PCCA: variants seen among roughly 807,000 people sequenced by gnomAD.
The protein encoded by PCCA is propionyl-CoA carboxylase alpha chain, mitochondrial.
PCCA carries 74 observed loss-of-function variants against 101.3 expected under a neutral mutation model. That is an observed-to-expected ratio of 0.73 (90% CI 0.61 to 0.89). The LOEUF (loss-of-function observed/expected upper bound fraction) is 0.89, where lower values mean the gene tolerates loss of function less well. Among genes scored for constraint, PCCA ranks in the 40% least tolerant of loss-of-function variants. PCCA has a pLI of 0.00. For synonymous variants in PCCA, 294 were observed against 313.6 expected, an observed-to-expected ratio of 0.94 and a Z score of 0.66; for missense variants, 891 against 907.0, an observed-to-expected ratio of 0.98 and a Z score of 0.23.
chr13:100,489,535 C>G (rs528877846), intron 21 of PCCA, among the ~76,000 whole-genome samples: 3 of 152,324 alleles, frequency 2.0e-5, no homozygotes, highest in Admixed American at 2.0e-4. Flanking sequence ...TACACTCCAG[C>G]ATGAATACAT....
rs35218503 is a variant in PCCA at position 100,354,074 on chromosome 13, AAATAATAATAAT to A, written c.1643+13851_1643+13862del. Among the ~76,000 whole-genome samples, 417 of 129,142 alleles carry A rather than the reference AAATAATAATAAT, an allele frequency of 3.2e-3. 1 individual carries two copies. The highest frequency in any genetic ancestry group is 0.011 in the Middle Eastern group (3 of 266). The allele number at this position is 129,142 out of a possible 152,430, so 84.7% of individuals were successfully genotyped here. A position where few individuals can be genotyped will look rare whatever the true frequency, so the allele number is the denominator to read the frequency against. On this transcript the variant is annotated intron_variant, in intron 18 of 23. Coordinates refer to ENST00000376285, the MANE Select transcript of PCCA (RefSeq NM_000282.4). ...TAGAAGTTTGAGACCCCATCTCTAC[AAATAATAATAAT>A]AATAATAATAATAATAATAATAATA...
intron 4 of PCCA, among the ~76,000 whole-genome samples, chr13:100,146,352 G>A (rs929192713): frequency 1.3e-5 from 2 of 151,812 alleles, no homozygotes; most frequent in Admixed American, 6.6e-5. Context: ...CGAGGCAGAC[G>A]GATCACGGGG....
At chr13:100,454,171 G>T (rs1326130277) in intron 21 of PCCA, among the ~76,000 whole-genome samples, 1 of 150,580 alleles carries the variant, frequency 6.6e-6, no homozygotes, top group Admixed American at 6.6e-5. Flanking sequence ...ACCGCACCTG[G>T]CCAAAAAAAA....
intron 7 of PCCA, among the ~76,000 whole-genome samples, chr13:100,234,377 G>A (rs576055523): frequency 2.6e-5 from 4 of 151,668 alleles, no homozygotes; most frequent in Non-Finnish European, 5.9e-5. Context: ...AGTAAACCTT[G>A]ATTTTGGAAG....
intron 6 of PCCA, among the ~76,000 whole-genome samples, chr13:100,188,167 C>G (rs542098790): frequency 1.6e-4 from 24 of 152,330 alleles, no homozygotes; most frequent in African/African-American, 5.8e-4. Context: ...GTGGCACATG[C>G]CTGTAATCCC....
At chr13:100,148,801 G>A (rs1003073359) in intron 4 of PCCA, among the ~76,000 whole-genome samples, 2 of 152,124 alleles carry the variant, frequency 1.3e-5, no homozygotes, top group Non-Finnish European at 2.9e-5. Flanking sequence ...TAGAAAATGG[G>A]CTGGGAATTT....
chr13:100,422,057 CTCTTCTCTTTTCTT>C (rs1382224625), intron 19 of PCCA, among the ~76,000 whole-genome samples: 6 of 45,256 alleles, frequency 1.3e-4, no homozygotes, highest in African/African-American at 4.8e-4. Context: ...TTTTCCTTTT[CTCTTCTCTTTTCTT>C]TTCTTTCTTT....
At chr13:100,399,815 C>T (rs1196882705) in intron 19 of PCCA, among the ~76,000 whole-genome samples, 2 of 152,178 alleles carry the variant, frequency 1.3e-5, no homozygotes, top group African/African-American at 4.8e-5. Context: ...TATGTGATGA[C>T]TGATTGTTTT....
chr13:100,527,735 G>C lies in PCCA; in HGVS notation c.2101G>C (p.Ala701Pro), dbSNP rs143096615. ...CATGAAAATGCAGAATAGTATGACA[G>C]CTGGGAAAACTGGCACGGTGAGTCC... The part of the protein sequence containing the change: ...EAMKMQNSMT[A>P]GKTGTVKSVH... Residue 701 changes from alanine to proline, a missense_variant, in exon 23 of 24, where the codon GCT (alanine) becomes CCT (proline). By Grantham distance (27) the Ala-to-Pro change is conservative. Transcript: ENST00000376285. 40 of 1,613,576 alleles carry C rather than the reference G, an allele frequency of 2.5e-5. No individual in the cohort carries two copies. The African/African-American group carries it at 5.3e-4, about 22-fold the overall frequency.
intron 19 of PCCA, among the ~76,000 whole-genome samples, chr13:100,385,084 C>G (rs1160879352): frequency 6.6e-6 from 1 of 152,058 alleles, no homozygotes; most frequent in African/African-American, 2.4e-5. Flanking sequence ...ACCCCTCTAC[C>G]TTTAAAAAGT....
intron 20 of PCCA, among the ~76,000 whole-genome samples, chr13:100,444,516 C>T (rs923425219): frequency 7.0e-6 from 1 of 142,660 alleles, no homozygotes; most frequent in Non-Finnish European, 1.5e-5. Context: ...AATCTTGGCT[C>T]ACTGCAAGCT....
At chr13:100,246,443 G>A (rs1434452541) in intron 8 of PCCA, among the ~76,000 whole-genome samples, 1 of 152,074 alleles carries the variant, frequency 6.6e-6, no homozygotes, top group Non-Finnish European at 1.5e-5. Flanking sequence ...TGGAGTAGCT[G>A]GGACTACAGG....
chr13:100,130,198 T>C (rs1187186984), intron 4 of PCCA, among the ~76,000 whole-genome samples: 3 of 152,238 alleles, frequency 2.0e-5, no homozygotes, highest in Non-Finnish European at 4.4e-5. Context: ...GTCGAGGCAT[T>C]GTTTTGCTGG....
At chr13:100,285,169 A>G (rs993976287) in intron 12 of PCCA, among the ~76,000 whole-genome samples, 1 of 152,170 alleles carries the variant, frequency 6.6e-6, no homozygotes, top group Non-Finnish European at 1.5e-5. Context: ...GTTCCTTGGA[A>G]TTACTGGCTT....
chr13:100,467,755 G>A (rs991409959), intron 21 of PCCA, among the ~76,000 whole-genome samples: 5 of 152,222 alleles, frequency 3.3e-5, no homozygotes, highest in Admixed American at 6.5e-5. Context: ...TACATCTGCA[G>A]TTACTTCTTG....
intron 6 of PCCA, among the ~76,000 whole-genome samples, chr13:100,179,524 T>A (rs940852674): frequency 6.6e-6 from 1 of 152,228 alleles, no homozygotes; most frequent in East Asian, 1.9e-4. Context: ...CTCAGTTTGG[T>A]CATGAATACT....
chr13:100,525,518 A>AGGTCAGGCT (rs2087725420), intron 22 of PCCA, among the ~76,000 whole-genome samples: 1 of 152,240 alleles, frequency 6.6e-6, no homozygotes, highest in African/African-American at 2.4e-5. Flanking sequence ...AGCTGTAGCC[A>AGGTCAGGCT]GGTCAGGCTG....
chr13:100,186,738 C>CAAAAAAAACAA (rs1555371306), intron 6 of PCCA, among the ~76,000 whole-genome samples: 7 of 84,080 alleles, frequency 8.3e-5, no homozygotes, highest in African/African-American at 1.4e-4. Flanking sequence ...GATTCCATCT[C>CAAAAAAAACAA]AAAAAAAAAA....
chr13:100,092,473 C>T (rs2046370473), intron 1 of PCCA, among the ~76,000 whole-genome samples: 1 of 152,002 alleles, frequency 6.6e-6, no homozygotes, highest in African/African-American at 2.4e-5. Context: ...GCCTCTGCCT[C>T]CTGGGCTCAA....
Sources: allele counts gnomAD v4.1 joint callset (sites outside exome capture counted in the v4.1 genomes callset), GRCh38; gene constraint gnomAD v4.1.1; transcripts MANE v1.5; gene names NCBI Gene and HGNC (gene_info 2026-07-23, HGNC 2026-07-21).